The following SYNE1 variants were observed in gnomAD, a reference collection of about 807,000 sequenced individuals.
SYNE1 encodes the protein spectrin repeat containing nuclear envelope protein 1.
A neutral mutation model predicts 1,111.0 loss-of-function variants in SYNE1; 616 were observed. That is an observed-to-expected ratio of 0.55 (90% CI 0.52 to 0.59). SYNE1 has a LOEUF of 0.59. Ranked by LOEUF, SYNE1 falls within the 20% of genes least tolerant of loss-of-function variation. The probability of loss-of-function intolerance (pLI) is 0.00; values close to 1 mark genes in which losing one functional copy is unlikely to be tolerated. For missense variants in SYNE1, 10,006 were observed against 10,417.0 expected, an observed-to-expected ratio of 0.96 and a Z score of 1.72; for synonymous variants, 3,855 against 3,825.8, an observed-to-expected ratio of 1.01 and a Z score of -0.28.
intron 4 of SYNE1, among the ~76,000 whole-genome samples, chr6:152,538,378 A>C (rs1285521691): frequency 6.6e-6 from 1 of 152,168 alleles, no homozygotes; most frequent in African/African-American, 2.4e-5. Context: ...ATAATTACAT[A>C]GTTCTATCTA....
In SYNE1 at chr6:152,456,033, A is replaced by G. The variant is rs765680474; in HGVS notation, c.2580T>C (p.Ala860=). 2 of 1,613,306 alleles carry G rather than the reference A, an allele frequency of 1.2e-6. No individual in the cohort carries two copies. Among genetic ancestry groups the G allele is most frequent in the African/African-American group, 2.7e-5 (2 of 74,920 alleles). ...AGGTTTTCTTACAGTTTTCTTGACA[A>G]GCTAACAGTTCCTATAACGAAATGA... ...LFKQKHQELL[A]CQENCKKTLT... is the part of the protein sequence containing the mutation. The change falls in exon 23 of 146, where the codon GCT becomes GCC. Residue 860 remains alanine (A), a synonymous_variant. Coordinates refer to ENST00000367255, the MANE Select transcript of SYNE1 (RefSeq NM_182961.4).
At chr6:152,381,871 G>T (rs887476646) in intron 55 of SYNE1, among the ~76,000 whole-genome samples, 17 of 152,108 alleles carry the variant, frequency 1.1e-4, no homozygotes, top group African/African-American at 3.9e-4. Context: ...AGCCCTACTC[G>T]ATTCCAAATA....
At chr6:152,493,203 AT>A (rs1457510957) in intron 11 of SYNE1, among the ~76,000 whole-genome samples, 1 of 151,988 alleles carries the variant, frequency 6.6e-6, no homozygotes, top group Non-Finnish European at 1.5e-5. Context: ...CCAGTATCCC[AT>A]CCCACAACAG....
intron 129 of SYNE1, among the ~76,000 whole-genome samples, chr6:152,179,830 G>A (rs367766467): frequency 7.3e-5 from 11 of 151,364 alleles, no homozygotes; most frequent in South Asian, 4.2e-4. Flanking sequence ...TACTACAGGC[G>A]CGCACCACCA....
intron 93 of SYNE1, among the ~76,000 whole-genome samples, chr6:152,296,884 C>A (rs969144281): frequency 6.6e-6 from 1 of 152,076 alleles, no homozygotes; most frequent in East Asian, 1.9e-4. Context: ...CCTCTGTAGT[C>A]CCTCCTGGCC....
chr6:152,185,508 C>T (rs996916174), intron 128 of SYNE1: 9 of 152,222 alleles, frequency 5.9e-5, no homozygotes, highest in Non-Finnish European at 1.3e-4. Flanking sequence ...AATCTATATC[C>T]TCCTTAGAGT....
chr6:152,256,488 A>G, intron 102 of SYNE1, 146 bp downstream of exon 102: 1 of 853,092 alleles, frequency 1.2e-6, no homozygotes, highest in Non-Finnish European at 1.9e-6. Flanking sequence ...TCCAGGGTCC[A>G]GTGATCTTTG....
chr6:152,506,109 G>T (rs570338055), intron 8 of SYNE1, among the ~76,000 whole-genome samples: 1 of 152,102 alleles, frequency 6.6e-6, no homozygotes, highest in South Asian at 2.1e-4. Flanking sequence ...CTTTGATGGC[G>T]GATTTGATTA....
At chr6:152,616,026 A>C (rs2099645099) in intron 3 of SYNE1, among the ~76,000 whole-genome samples, 1 of 152,246 alleles carries the variant, frequency 6.6e-6, no homozygotes. Flanking sequence ...CAAAGTAATT[A>C]CTAGTTTCTC....
intron 37 of SYNE1, 82 bp downstream of exon 37, chr6:152,428,123 A>G: frequency 5.1e-6 from 8 of 1,562,470 alleles, no homozygotes; most frequent in Non-Finnish European, 7.0e-6. Flanking sequence ...ATCTGGGATA[A>G]CTACTCCCCA....
At chr6:152,438,541 T>C (rs13210080) in intron 32 of SYNE1, among the ~76,000 whole-genome samples, 1 of 152,138 alleles carries the variant, frequency 6.6e-6, no homozygotes, top group Admixed American at 6.6e-5. Flanking sequence ...ATGCATCAGG[T>C]AAAAATTGAC....
At chr6:152,480,434 T>C (rs1308201119) in intron 14 of SYNE1, among the ~76,000 whole-genome samples, 1 of 152,124 alleles carries the variant, frequency 6.6e-6, no homozygotes, top group African/African-American at 2.4e-5. Flanking sequence ...GGCAGGAGAA[T>C]CGCTTGAACC....
Position 152,333,757 on chromosome 6 carries a change from G to A in SYNE1, c.12794+251C>T, listed in dbSNP as rs568559112. 4.0e-5 allele frequency among the ~76,000 whole-genome samples: 6 copies of A among 151,802 alleles called. No homozygotes were observed. The East Asian group carries it at 5.8e-4, about 15-fold the overall frequency. On this transcript the variant is annotated intron_variant, in intron 77 of 145. Coordinates refer to ENST00000367255, the MANE Select transcript of SYNE1 (RefSeq NM_182961.4). Reference sequence around the variant, plus strand: ...AATTGATTCTCCTGCCTCAGCCTCCGAAGTAGCTGGGATTACAAGCATGCA... The same window carrying A: ...AATTGATTCTCCTGCCTCAGCCTCCAAAGTAGCTGGGATTACAAGCATGCA...
intron 22 of SYNE1, chr6:152,456,733 T>C (rs1262997946): frequency 2.2e-6 from 1 of 451,048 alleles, no homozygotes; most frequent in Non-Finnish European, 4.4e-6. Context: ...ATGGAAATCA[T>C]TGAGCCCAGC....
At chr6:152,441,922 T>C (rs1592766240) in intron 31 of SYNE1, among the ~76,000 whole-genome samples, 153 bp downstream of exon 31, 1 of 152,220 alleles carries the variant, frequency 6.6e-6, no homozygotes, top group Non-Finnish European at 1.5e-5. Context: ...CTAAGGCTGA[T>C]GTGATGATTA....
At chr6:152,137,382 A>G (rs969431782) in intron 140 of SYNE1, among the ~76,000 whole-genome samples, 10 of 152,226 alleles carry the variant, frequency 6.6e-5, no homozygotes, top group African/African-American at 2.4e-4. Context: ...AACAGATGCC[A>G]GGGCCCTGGG....
At chr6:152,494,222 T>G (rs2098987168) in intron 11 of SYNE1, among the ~76,000 whole-genome samples, 1 of 152,184 alleles carries the variant, frequency 6.6e-6, no homozygotes, top group Admixed American at 6.5e-5. Flanking sequence ...TCCATTTTCC[T>G]CCTCACACTT....
chr6:152,447,612 T>C lies in SYNE1; in HGVS notation c.3515A>G (p.Asn1172Ser), dbSNP rs2098603785. ...GGTCTCACCCCTTTTGGTAACACCA[T>C]TTCTGATCTCCTGAAATGAGAGAAC... ...EVKRAVEEIR[N>S]GVTKRGETLS... is the part of the protein sequence containing the mutation. The change falls in exon 29 of 146, where the codon AAT (asparagine) becomes AGT (serine). Residue 1172 changes from asparagine (N) to serine (S), a missense_variant. Around this residue, in one of 7 missense-constraint regions of SYNE1, gnomAD observed 1,971 missense variants for 2,084.1 expected, o/e 0.95. Coordinates refer to ENST00000367255, the MANE Select transcript of SYNE1 (RefSeq NM_182961.4). 6.2e-7 allele frequency: 1 copy of C among 1,614,114 alleles called. No homozygotes were observed. The highest frequency in any genetic ancestry group is 1.3e-5 in the African/African-American group (1 of 74,954).
chr6:152,162,256 T>C (rs2062665173), intron 131 of SYNE1, among the ~76,000 whole-genome samples: 1 of 152,180 alleles, frequency 6.6e-6, no homozygotes, highest in South Asian at 2.1e-4. Flanking sequence ...ATCAACTTTC[T>C]CCACCCTCCA....
Sources: gnomAD v4.1 joint callset for allele counts (sites outside exome capture counted in the v4.1 genomes callset) on GRCh38, gnomAD v4.1.1 for gene constraint, gnomAD v4.1.1 regional missense constraint, MANE v1.5 for transcripts, NCBI Gene and HGNC (gene_info 2026-07-23, HGNC 2026-07-21) for gene names.